Variants in CMIP observed in about 807,000 individuals in gnomAD.
CMIP encodes the protein c-Maf inducing protein.
In CMIP, 13 loss-of-function variants were observed where a neutral mutation model predicts 97.3. The ratio of observed to expected loss-of-function variants is 0.13; its 90% CI spans 0.09 to 0.21. CMIP has a LOEUF of 0.21. Among genes scored for constraint, CMIP ranks in the 10% least tolerant of loss-of-function variants. The pLI is 1.00. For synonymous variants in CMIP, 538 were observed against 436.3 expected (o/e 1.23, Z -2.91); for missense variants, 847 against 1,024.9 (o/e 0.83, Z 2.37).
At chr16:81,647,427 G>T (rs2092376111) in intron 3 of CMIP, among the ~76,000 whole-genome samples, 3 of 152,164 alleles carry the variant, frequency 2.0e-5, no homozygotes, top group African/African-American at 7.2e-5. Flanking sequence ...CAGGCAGGGG[G>T]CTGGGTTTCA....
At chr16:81,449,756 TG>T (rs1906095657) in intron 1 of CMIP, among the ~76,000 whole-genome samples, 1 of 146,310 alleles carries the variant, frequency 6.8e-6, no homozygotes, top group Non-Finnish European at 1.5e-5. Context: ...TGATTGGAGG[TG>T]GTGGAGGGGA....
rs188237977 is a variant in CMIP at position 81,693,423 on chromosome 16, G to A, written c.1482-16G>A. Reference sequence around the variant, plus strand: ...CCAGACCCCGGCAGTAACTCCGGCCGCCTCGTCTCTTCCAGGGAACTGAAG... The same window carrying A: ...CCAGACCCCGGCAGTAACTCCGGCCACCTCGTCTCTTCCAGGGAACTGAAG... On this transcript the variant is annotated splice_polypyrimidine_tract_variant and intron_variant, in intron 12 of 20. Coordinates refer to ENST00000537098, the MANE Select transcript of CMIP (RefSeq NM_198390.3). The A allele has an allele frequency of 2.6e-3, 4,249 of 1,609,086 alleles. 14 individuals are homozygous for A. The highest frequency in any genetic ancestry group is 5.5e-3 in the South Asian group (499 of 90,230).
intron 1 of CMIP, among the ~76,000 whole-genome samples, chr16:81,549,672 C>T (rs1446422101): frequency 1.3e-5 from 2 of 152,188 alleles, no homozygotes; most frequent in Non-Finnish European, 2.9e-5. Flanking sequence ...GAAATCGCCC[C>T]TAAAGGACAC....
intron 1 of CMIP, among the ~76,000 whole-genome samples, chr16:81,486,780 C>G (rs376830790): frequency 6.6e-6 from 1 of 152,376 alleles, no homozygotes; most frequent in East Asian, 1.9e-4. Context: ...CCAAAGCCAG[C>G]TTGGTTTGGA....
At position 81,493,715 on chromosome 16, in the gene CMIP, C is replaced by T. The variant is rs140632219; in HGVS notation, c.300+48174C>T. On this transcript the variant is annotated intron_variant, in intron 1 of 20. Transcript: ENST00000537098. ...AATAACAATGGCAGCAACAAACTGC[C>T]GAATATGAGGGCCTAACATACACGA... Among the ~76,000 whole-genome samples the T allele has an allele frequency of 1.7e-4, 26 of 152,300 alleles. No individual in the cohort carries two copies. The East Asian group carries it at 3.1e-3, about 18-fold the overall frequency.
intron 7 of CMIP, among the ~76,000 whole-genome samples, chr16:81,667,799 A>AGAGAGAGAGAGAGAGAGTGTGT: frequency 1.3e-3 from 78 of 58,124 alleles, no homozygotes; most frequent in Non-Finnish European, 1.8e-3. Context: ...AGAGAGAGAG[A>AGAGAGAGAGAGAGAGAGTGTGT]GTGTGTGTGT....
intron 1 of CMIP, among the ~76,000 whole-genome samples, chr16:81,466,144 T>G (rs1907192775): frequency 6.6e-6 from 1 of 152,210 alleles, no homozygotes; most frequent in African/African-American, 2.4e-5. Context: ...TGCTGCAGCC[T>G]CAGCTTCCTG....
At chr16:81,459,702 G>A (rs1005822980) in intron 1 of CMIP, among the ~76,000 whole-genome samples, 1 of 152,232 alleles carries the variant, frequency 6.6e-6, no homozygotes, top group Non-Finnish European at 1.5e-5. Context: ...GGTAAACTGC[G>A]TAGCAATTCC....
At chr16:81,705,440 C>T (rs1189678326) in intron 18 of CMIP, 59 bp from the exon 19 acceptor site, 6 of 1,259,754 alleles carry the variant, frequency 4.8e-6, no homozygotes, top group Non-Finnish European at 6.8e-6. Flanking sequence ...CTGCCCCAGC[C>T]TCAGAGTCAC....
Position 81,545,548 on chromosome 16 carries a change from C to T in CMIP, c.301-62019C>T, listed in dbSNP as rs144747745. 7.7e-4 allele frequency among the ~76,000 whole-genome samples: 117 copies of T among 152,252 alleles called. 1 individual carries two copies. Among genetic ancestry groups the T allele is most frequent in the African/African-American group, 2.6e-3 (106 of 41,552 alleles). On this transcript the variant is annotated intron_variant, in intron 1 of 20. Transcript: ENST00000537098. Reference sequence around the variant, plus strand: ...CATTTAATCCACACAGCTTATGTGGCGAGCTCCAGCATCCTCCTCCATCTA... The same window carrying T: ...CATTTAATCCACACAGCTTATGTGGTGAGCTCCAGCATCCTCCTCCATCTA...
intron 17 of CMIP, among the ~76,000 whole-genome samples, chr16:81,703,666 G>A (rs924068010): frequency 6.6e-6 from 1 of 151,888 alleles, no homozygotes; most frequent in Non-Finnish European, 1.5e-5. Flanking sequence ...GGAACACCCC[G>A]CTGGTGCCTC....
chr16:81,625,286 C>A (rs890985164), intron 3 of CMIP, among the ~76,000 whole-genome samples: 18 of 152,276 alleles, frequency 1.2e-4, no homozygotes, highest in African/African-American at 4.3e-4. Flanking sequence ...AAGCTGCAGT[C>A]CTGAGGGCCC....
chr16:81,696,783 C>A, intron 14 of CMIP, 116 bp downstream of exon 14: 1 of 864,310 alleles, frequency 1.2e-6, no homozygotes, highest in Non-Finnish European at 1.8e-6. Context: ...TCCCGGCTAA[C>A]ACAGTGCTGA....
intron 14 of CMIP, chr16:81,698,222 C>T (rs4888166): frequency 0.087 from 13,175 of 152,270 alleles, 638 homozygotes; most frequent in East Asian, 0.16. Context: ...CTTTCTCCAC[C>T]GCCAAGGGCA....
At chr16:81,521,079 G>A (rs2090016935) in intron 1 of CMIP, among the ~76,000 whole-genome samples, 1 of 152,254 alleles carries the variant, frequency 6.6e-6, no homozygotes, top group Non-Finnish European at 1.5e-5. Context: ...CTTTATACAA[G>A]ATTTAATTTT....
chr16:81,448,468 C>T (rs906124552), intron 1 of CMIP, among the ~76,000 whole-genome samples: 9 of 152,358 alleles, frequency 5.9e-5, no homozygotes, highest in African/African-American at 2.2e-4. Flanking sequence ...GTGACACCGG[C>T]TAGGTACACC....
At chr16:81,488,036 T>G (rs2089345682) in intron 1 of CMIP, among the ~76,000 whole-genome samples, 1 of 152,216 alleles carries the variant, frequency 6.6e-6, no homozygotes, top group South Asian at 2.1e-4. Context: ...TATTTTATTT[T>G]TATTTATTGT....
rs569224407 is a variant in CMIP, at chr16:81,604,210, A to G, written c.301-3357A>G. 1.8e-4 allele frequency among the ~76,000 whole-genome samples: 28 copies of G among 151,996 alleles called. No individual in the cohort carries two copies. The East Asian group carries it at 5.2e-3, about 28-fold the overall frequency. On this transcript the variant is annotated intron_variant, in intron 1 of 20. Transcript: ENST00000537098. ...GGAGTTCGAGACCAGCCTGGCCAAC[A>G]TGGTGAAACCCCATCTCTACTAAAA... is the stretch of plus-strand genomic sequence containing the variant.
At chr16:81,540,464 A>T (rs1448750374) in intron 1 of CMIP, among the ~76,000 whole-genome samples, 1 of 150,378 alleles carries the variant, frequency 6.6e-6, no homozygotes, top group African/African-American at 2.5e-5. Flanking sequence ...CACCTCGCCC[A>T]GCTAATTTTT....
Sources: allele counts gnomAD v4.1 joint callset (sites outside exome capture counted in the v4.1 genomes callset), GRCh38; gene constraint gnomAD v4.1.1; transcripts MANE v1.5; gene names NCBI Gene and HGNC (gene_info 2026-07-23, HGNC 2026-07-21).